MYO1B: variants seen among roughly 807,000 people sequenced by gnomAD.
The protein encoded by MYO1B is unconventional myosin-Ib.
Under a neutral mutation model 159.7 loss-of-function variants are expected in MYO1B, and 72 were observed. That is an observed-to-expected ratio of 0.45 (90% confidence interval 0.37 to 0.55). MYO1B has a LOEUF of 0.55. Ranked by LOEUF, MYO1B falls within the 20% of genes least tolerant of loss-of-function variation. The pLI is 0.00. For synonymous variants in MYO1B, 468 were observed against 473.8 expected, an observed-to-expected ratio of 0.99 and a Z score of 0.16; for missense variants, 1,062 against 1,364.8, an observed-to-expected ratio of 0.78 and a Z score of 3.50.
At chr2:191,264,204 C>CT (rs372387694) in intron 1 of MYO1B, among the ~76,000 whole-genome samples, 28 of 152,172 alleles carry the variant, frequency 1.8e-4, no homozygotes, top group African/African-American at 6.7e-4. Flanking sequence ...TTATCAGTGT[C>CT]TTTTTTGGAA....
In MYO1B at chr2:191,300,876, T is replaced by C. The variant is rs563861229; in HGVS notation, c.251+4650T>C. Among the ~76,000 whole-genome samples the C allele has an allele frequency of 3.3e-5, 5 of 152,254 alleles. No homozygotes were observed. The South Asian group carries it at 8.3e-4, about 25-fold the overall frequency. On this transcript the variant is annotated intron_variant, in intron 3 of 30. Coordinates refer to ENST00000392318, the MANE Select transcript of MYO1B (RefSeq NM_001130158.3). ...AAGGTGTCTACAATTTATCTTTCTT[T>C]AAATTTTAGGTAATTAAAAAATAAT...
At chr2:191,344,231 T>A (rs1692413155) in intron 5 of MYO1B, among the ~76,000 whole-genome samples, 1 of 152,174 alleles carries the variant, frequency 6.6e-6, no homozygotes, top group Admixed American at 6.5e-5. Flanking sequence ...AATGTCATCG[T>A]CTTCATGATA....
At chr2:191,388,105 A>C (rs1695506047) in intron 17 of MYO1B, 1 of 152,260 alleles carries the variant, frequency 6.6e-6, no homozygotes, top group Non-Finnish European at 1.5e-5. Flanking sequence ...CCAACATGGC[A>C]AAACCCTGTC....
chr2:191,284,176 A>G (rs1352599208), intron 2 of MYO1B, among the ~76,000 whole-genome samples: 2 of 152,216 alleles, frequency 1.3e-5, no homozygotes, highest in Non-Finnish European at 2.9e-5. Context: ...GAGGAGGAAG[A>G]GGAAGCAGTT....
rs1686719699 is a variant in MYO1B at position 191,260,254 on chromosome 2, C to CTTTTTGTTTTTTTTTTTTTTTTTTT, written c.-10+14633_-10+14634insGTTTTTTTTTTTTTTTTTTTTTTTT. On this transcript the variant is annotated intron_variant, in intron 1 of 30. Transcript: ENST00000392318. ...TAATATTACTTTTTTCCCAGATAGGCTTTTTTTTTTTTTGAATTAAAGCTA... is the reference window on the plus strand; with the variant it reads ...TAATATTACTTTTTTCCCAGATAGGCTTTTTGTTTTTTTTTTTTTTTTTTTTTTTTTTTTTTTTGAATTAAAGCTA... Among the ~76,000 whole-genome samples, 3 of 60,962 alleles carry CTTTTTGTTTTTTTTTTTTTTTTTTT rather than the reference C, an allele frequency of 4.9e-5. 1 individual carries two copies. The highest frequency in any genetic ancestry group is 1.2e-4 in the Non-Finnish European group (3 of 25,286). 40.0% of individuals were successfully genotyped at this position (60,962 alleles called of 152,430 possible). A position where few individuals can be genotyped will look rare whatever the true frequency, so the allele number is the denominator to read the frequency against.
intron 26 of MYO1B, 78 bp from the exon 27 acceptor site, chr2:191,410,988 T>C: frequency 1.3e-6 from 1 of 784,124 alleles, no homozygotes; most frequent in Non-Finnish European, 2.0e-6. Context: ...GCTGATAAAT[T>C]GTCTTAGCAT....
chr2:191,397,771 G>A (rs1394501249), intron 21 of MYO1B, among the ~76,000 whole-genome samples: 3 of 145,046 alleles, frequency 2.1e-5, no homozygotes, highest in Non-Finnish European at 4.6e-5. Flanking sequence ...AGGGGCGGCC[G>A]GGCAGAAGCG....
chr2:191,324,519 G>A (rs190413001), intron 3 of MYO1B, among the ~76,000 whole-genome samples: 49 of 152,140 alleles, frequency 3.2e-4, no homozygotes, highest in African/African-American at 1.2e-3. Flanking sequence ...AACCATTTAG[G>A]TATATTTACC....
intron 7 of MYO1B, among the ~76,000 whole-genome samples, chr2:191,352,719 G>A (rs532146468): frequency 3.3e-4 from 51 of 152,242 alleles, no homozygotes; most frequent in African/African-American, 1.2e-3. Context: ...GCTTTGGAGA[G>A]AAAAGGAATA....
chr2:191,297,443 A>C (rs1041451791), intron 3 of MYO1B, among the ~76,000 whole-genome samples: 1 of 152,368 alleles, frequency 6.6e-6, no homozygotes, highest in Admixed American at 6.5e-5. Flanking sequence ...AACGTATGCA[A>C]AAGTGCCTTG....
intron 1 of MYO1B, 94 bp from the exon 2 acceptor site, chr2:191,276,793 G>A: frequency 7.2e-7 from 1 of 1,390,156 alleles, no homozygotes. Context: ...AGAGTCATTT[G>A]GAGCTACCAG....
intron 13 of MYO1B, among the ~76,000 whole-genome samples, chr2:191,376,333 G>A (rs1694709335): frequency 6.6e-6 from 1 of 152,024 alleles, no homozygotes; most frequent in Non-Finnish European, 1.5e-5. Flanking sequence ...TTCTTGTTTT[G>A]GAGCCTGTTT....
chr2:191,395,071 C>T lies in MYO1B; in HGVS notation c.2227-1358C>T, dbSNP rs572182602. ...GTTGCTGATTACTTTTAAGTTATTC[C>T]GTATTTTGTAATATTTCATGTTTCC... On this transcript the variant is annotated intron_variant, in intron 20 of 30. Coordinates refer to ENST00000392318, the MANE Select transcript of MYO1B (RefSeq NM_001130158.3). Among the ~76,000 whole-genome samples the T allele has an allele frequency of 5.3e-5, 8 of 152,138 alleles. No homozygotes were observed. In the South Asian group the frequency reaches 8.3e-4, roughly 16 times the overall value.
At chr2:191,259,338 A>G (rs1380158344) in intron 1 of MYO1B, among the ~76,000 whole-genome samples, 1 of 152,234 alleles carries the variant, frequency 6.6e-6, no homozygotes, top group African/African-American at 2.4e-5. Flanking sequence ...GAAGGGATGC[A>G]GGAAAATGGA....
chr2:191,282,211 C>T (rs549286746), intron 2 of MYO1B, among the ~76,000 whole-genome samples: 3 of 152,296 alleles, frequency 2.0e-5, no homozygotes, highest in Admixed American at 6.5e-5. Flanking sequence ...AAATAAAGTG[C>T]ACAGACTTAG....
intron 1 of MYO1B, among the ~76,000 whole-genome samples, chr2:191,264,655 T>C (rs2125700581): frequency 6.6e-6 from 1 of 152,222 alleles, no homozygotes; most frequent in East Asian, 1.9e-4. Flanking sequence ...GCACTCTTAA[T>C]ATATTTTATT....
intron 7 of MYO1B, among the ~76,000 whole-genome samples, chr2:191,353,714 G>C (rs1365657004): frequency 2.0e-5 from 3 of 152,146 alleles, no homozygotes; most frequent in Non-Finnish European, 4.4e-5. Context: ...TTCATTCTCT[G>C]TGCCTCCATT....
Position 191,346,224 on chromosome 2 carries a change from CT to C in MYO1B, c.452-9del. 6.4e-7 allele frequency: 1 copy of C among 1,555,512 alleles called. No individual in the cohort carries two copies. The highest frequency in any genetic ancestry group is 1.9e-4 in the Middle Eastern group (1 of 5,350). On this transcript the variant is annotated splice_polypyrimidine_tract_variant and intron_variant, in intron 5 of 30. Transcript: ENST00000392318. Reference sequence around the variant, plus strand: ...TATTTTTTTAACCATACATCTGTTTCTTTCCTACTAGCTTTTGGAAATGCCA... The same window carrying C: ...TATTTTTTTAACCATACATCTGTTTCTTCCTACTAGCTTTTGGAAATGCCA...
At chr2:191,291,090 T>C (rs1688661410) in intron 2 of MYO1B, among the ~76,000 whole-genome samples, 1 of 152,204 alleles carries the variant, frequency 6.6e-6, no homozygotes, top group Admixed American at 6.5e-5. Flanking sequence ...GAAAGAACTT[T>C]CTTATAGAAT....
Sources: allele counts gnomAD v4.1 joint callset (sites outside exome capture counted in the v4.1 genomes callset), GRCh38; gene constraint gnomAD v4.1.1; transcripts MANE v1.5; gene names NCBI Gene and HGNC (gene_info 2026-07-23, HGNC 2026-07-21).